Variants in TAF15 observed in about 807,000 individuals in gnomAD.
The protein encoded by TAF15 is TATA-binding protein-associated factor 2N.
In TAF15, 37 loss-of-function variants were observed where a neutral mutation model predicts 102.5. The ratio of observed to expected loss-of-function variants is 0.36; its 90% CI spans 0.28 to 0.47. TAF15 has a LOEUF of 0.47. TAF15 is among the 20% of genes least tolerant of loss of function. The probability of loss-of-function intolerance (pLI) is 0.99; values close to 1 mark genes in which losing one functional copy is unlikely to be tolerated. For synonymous variants in TAF15, 273 were observed against 259.2 expected, an observed-to-expected ratio of 1.05 and a Z score of -0.51; for missense variants, 652 against 760.7, an observed-to-expected ratio of 0.86 and a Z score of 1.68.
At chr17:35,822,068 T>TCCA (rs2087266978) in intron 5 of TAF15, among the ~76,000 whole-genome samples, 1 of 151,600 alleles carries the variant, frequency 6.6e-6, no homozygotes, top group Non-Finnish European at 1.5e-5. Context: ...TAGGCCAGGC[T>TCCA]CGGTGGCTCA....
At chr17:35,827,503 G>A (rs1197980123) in intron 7 of TAF15, among the ~76,000 whole-genome samples, 1 of 152,056 alleles carries the variant, frequency 6.6e-6, no homozygotes, top group African/African-American at 2.4e-5. Flanking sequence ...TCAGGAGTTC[G>A]AGATCAGCCT....
rs1239684529 is a variant in TAF15 at position 35,828,743 on chromosome 17, A to T, written c.605+4545A>T. 2.0e-5 allele frequency among the ~76,000 whole-genome samples: 3 copies of T among 149,554 alleles called. No individual in the cohort carries two copies. The Admixed American group carries it at 2.0e-4, about 10-fold the overall frequency. ...GGCAATAGTGAGTCGGTCAAATTCCATTTCCCCCTCCGCCCCATACCTCTT... is the reference window on the plus strand; with the variant it reads ...GGCAATAGTGAGTCGGTCAAATTCCTTTTCCCCCTCCGCCCCATACCTCTT... On this transcript the variant is annotated intron_variant, in intron 7 of 15. Coordinates refer to ENST00000605844, the MANE Select transcript of TAF15 (RefSeq NM_139215.3).
At chr17:35,845,192 C>T (rs2087609664) in intron 15 of TAF15, among the ~76,000 whole-genome samples, 154 bp downstream of exon 15, 1 of 152,120 alleles carries the variant, frequency 6.6e-6, no homozygotes, top group South Asian at 2.1e-4. Context: ...TTAGCAATTT[C>T]TAAAATTTTG....
chr17:35,817,750 G>A lies in TAF15; in HGVS notation c.42G>A (p.Gln14=). 1.2e-6 allele frequency: 2 copies of A among 1,613,390 alleles called. No individual in the cohort carries two copies. The highest frequency in any genetic ancestry group is 1.3e-5 in the African/African-American group (1 of 75,008). Residue 14 remains glutamine (Q), a synonymous_variant, in exon 2 of 16, where the codon CAG becomes CAA. Coordinates refer to ENST00000605844, the MANE Select transcript of TAF15 (RefSeq NM_139215.3). ...SGSYGQSGGE[Q]QSYSTYGNPG... is the part of the protein sequence containing the mutation. ...GTTACGGTCAGTCTGGGGGTGAGCA[G>A]CAAAGGTAAAGTATACATACATTTT...
intron 7 of TAF15, chr17:35,833,686 T>C (rs1022309412): frequency 1.6e-5 from 9 of 548,886 alleles, no homozygotes; most frequent in Non-Finnish European, 2.0e-5. Flanking sequence ...ATATTAGATA[T>C]GTAATAAGCT....
chr17:35,821,687 T>C (rs776670853), intron 5 of TAF15, among the ~76,000 whole-genome samples: 10 of 152,168 alleles, frequency 6.6e-5, no homozygotes, highest in Non-Finnish European at 1.3e-4. Context: ...GAGCATGTAA[T>C]TAATACAGTA....
intron 1 of TAF15, chr17:35,811,561 G>A (rs549393083): frequency 2.6e-5 from 4 of 152,242 alleles, no homozygotes; most frequent in South Asian, 2.1e-4. Flanking sequence ...TTTGATGAAT[G>A]TTTATTAAAA....
At chr17:35,845,145 G>A in intron 15 of TAF15, 107 bp downstream of exon 15, 1 of 1,382,964 alleles carries the variant, frequency 7.2e-7, no homozygotes, top group Admixed American at 1.8e-5. Flanking sequence ...CCCATTGCCA[G>A]TTCTCTCAGG....
chr17:35,824,041 G>T, intron 6 of TAF15, 37 bp from the exon 7 acceptor site: 1 of 1,613,984 alleles, frequency 6.2e-7, no homozygotes, highest in South Asian at 1.1e-5. Flanking sequence ...TTAGAAATGA[G>T]AGTGGTTATT....
At position 35,839,103 on chromosome 17, in the gene TAF15, AC is replaced by A. The variant is rs1349261012; in HGVS notation, c.913+551del. On this transcript the variant is annotated intron_variant, in intron 11 of 15. Coordinates refer to ENST00000605844, the MANE Select transcript of TAF15 (RefSeq NM_139215.3). ...CAACATAGAGCTTGCCTCTACTAAAACAAAAAAAAAATTTTTTTTTTTTTTA... is the reference window on the plus strand; with the variant it reads ...CAACATAGAGCTTGCCTCTACTAAAAAAAAAAAAAATTTTTTTTTTTTTTA... 2.7e-3 allele frequency among the ~76,000 whole-genome samples: 410 copies of A among 149,278 alleles called. 4 individuals are homozygous for A. The highest frequency in any genetic ancestry group is 0.01 in the African/African-American group (397 of 39,596).
At chr17:35,824,264 A>G in intron 7 of TAF15, 66 bp downstream of exon 7, 15 of 1,575,746 alleles carry the variant, frequency 9.5e-6, no homozygotes, top group Non-Finnish European at 1.3e-5. Context: ...TTAAGGTGTT[A>G]CTTGGCTGGA....
chr17:35,840,998 A>G (rs1279390947), intron 11 of TAF15, among the ~76,000 whole-genome samples: 1 of 152,242 alleles, frequency 6.6e-6, no homozygotes, highest in African/African-American at 2.4e-5. Flanking sequence ...CTGCTTTCAT[A>G]AGAATGAGAG....
chr17:35,816,252 G>A (rs941954795), intron 1 of TAF15, among the ~76,000 whole-genome samples: 2 of 152,156 alleles, frequency 1.3e-5, no homozygotes, highest in African/African-American at 2.4e-5. Context: ...ATATTGTAGC[G>A]TTATATAAAT....
intron 7 of TAF15, among the ~76,000 whole-genome samples, chr17:35,828,194 G>A (rs892965366): frequency 2.6e-5 from 4 of 152,082 alleles, no homozygotes; most frequent in East Asian, 1.9e-4. Flanking sequence ...GTTAACTGCC[G>A]TAGAAATACA....
At chr17:35,840,023 T>C (rs1227312331) in intron 11 of TAF15, among the ~76,000 whole-genome samples, 1 of 152,104 alleles carries the variant, frequency 6.6e-6, no homozygotes, top group African/African-American at 2.4e-5. Context: ...ATGAGACATA[T>C]GCCCTGTTAC....
chr17:35,820,186 C>G lies in TAF15; in HGVS notation c.122C>G (p.Thr41Arg). ...ASQSYSGYGQ[T>R]TDSSYGQNYS... ...CAGAGCTATTCTGGCTATGGGCAAA[C>G]GACTGATTCCTCTTATGGACAGAAC... Residue 41 changes from threonine (T) to arginine (R), a missense_variant, in exon 4 of 16, where the codon ACG (threonine) becomes AGG (arginine). Transcript: ENST00000605844. 1 of 1,614,064 alleles carries G rather than the reference C, an allele frequency of 6.2e-7. No individual in the cohort carries two copies. Among genetic ancestry groups the G allele is most frequent in the East Asian group, 2.2e-5 (1 of 44,860 alleles).
chr17:35,839,305 A>G (rs538092781), intron 11 of TAF15, among the ~76,000 whole-genome samples: 3 of 150,448 alleles, frequency 2.0e-5, no homozygotes, highest in East Asian at 1.9e-4. Context: ...CTATAAATAA[A>G]TAAAGTAAAA....
At chr17:35,817,068 A>G (rs1191195358) in intron 1 of TAF15, 1 of 151,984 alleles carries the variant, frequency 6.6e-6, no homozygotes, top group Non-Finnish European at 1.5e-5. Flanking sequence ...AGCTTCCCAT[A>G]GTGCTGGGAT....
chr17:35,818,675 G>A (rs1004735679), intron 2 of TAF15: 1 of 152,026 alleles, frequency 6.6e-6, no homozygotes. Flanking sequence ...TCCAGACATA[G>A]TGGTGTGTAC....
Sources: allele counts gnomAD v4.1 joint callset (sites outside exome capture counted in the v4.1 genomes callset), GRCh38; gene constraint gnomAD v4.1.1; transcripts MANE v1.5; gene names NCBI Gene and HGNC (gene_info 2026-07-23, HGNC 2026-07-21).